The following MYLK variants were observed in gnomAD, a reference collection of about 807,000 sequenced individuals.
MYLK encodes the protein myosin light chain kinase.
A neutral mutation model predicts 203.4 loss-of-function variants in MYLK; 106 were observed. The ratio of observed to expected loss-of-function variants is 0.52; its 90% CI spans 0.45 to 0.61. The LOEUF is 0.61. MYLK is among the 20% of genes least tolerant of loss of function. MYLK has a pLI of 0.00. For synonymous variants in MYLK, 867 were observed against 959.5 expected, an observed-to-expected ratio of 0.90 and a Z score of 1.78; for missense variants, 2,072 against 2,442.3, an observed-to-expected ratio of 0.85 and a Z score of 3.20.
chr3:123,717,756 G>A (rs527678256), intron 13 of MYLK, among the ~76,000 whole-genome samples: 1 of 151,936 alleles, frequency 6.6e-6, no homozygotes, highest in Non-Finnish European at 1.5e-5. Context: ...CAGGAGGAAA[G>A]ACATTCATTG....
chr3:123,754,275 G>C (rs2063296313), intron 4 of MYLK, among the ~76,000 whole-genome samples: 1 of 152,112 alleles, frequency 6.6e-6, no homozygotes, highest in Non-Finnish European at 1.5e-5. Context: ...ATTCCATATA[G>C]TCACCCCTCA....
intron 16 of MYLK, among the ~76,000 whole-genome samples, chr3:123,704,377 A>T (rs113726016): frequency 2.0e-5 from 3 of 152,200 alleles, no homozygotes; most frequent in African/African-American, 4.8e-5. Flanking sequence ...TGACATCTGC[A>T]CATAACCAGT....
At chr3:123,872,418 A>C (rs946853187) in intron 2 of MYLK, among the ~76,000 whole-genome samples, 1 of 152,172 alleles carries the variant, frequency 6.6e-6, no homozygotes, top group African/African-American at 2.4e-5. Context: ...ACCTTGAGTT[A>C]GATCTAACCT....
chr3:123,823,280 C>T (rs2065998413), intron 3 of MYLK, among the ~76,000 whole-genome samples: 2 of 152,214 alleles, frequency 1.3e-5, no homozygotes, highest in African/African-American at 4.8e-5. Context: ...GATCTCCACA[C>T]ACATTTCTTA....
chr3:123,625,614 C>G, intron 31 of MYLK, among the ~76,000 whole-genome samples: 1 of 151,958 alleles, frequency 6.6e-6, no homozygotes, highest in East Asian at 1.9e-4. Context: ...TGAGACCATC[C>G]TGGCTAACAC....
chr3:123,643,931 C>T (rs938001961), intron 27 of MYLK, among the ~76,000 whole-genome samples: 4 of 152,260 alleles, frequency 2.6e-5, no homozygotes, highest in African/African-American at 9.6e-5. Flanking sequence ...CTTCAATGCT[C>T]AGGGTCCCAC....
chr3:123,828,478 G>T (rs778898063), intron 3 of MYLK, among the ~76,000 whole-genome samples: 1 of 152,128 alleles, frequency 6.6e-6, no homozygotes, highest in Non-Finnish European at 1.5e-5. Context: ...AGACCTAAAT[G>T]TAAGACCTGA....
intron 2 of MYLK, among the ~76,000 whole-genome samples, chr3:123,863,886 A>G (rs932393958): frequency 6.6e-6 from 1 of 152,218 alleles, no homozygotes; most frequent in Non-Finnish European, 1.5e-5. Context: ...TGTCTACCCA[A>G]AAAGACCTAT....
intron 3 of MYLK, among the ~76,000 whole-genome samples, chr3:123,825,475 CA>C (rs2066084769): frequency 6.6e-6 from 1 of 152,198 alleles, no homozygotes; most frequent in Non-Finnish European, 1.5e-5. Context: ...ACAGTCCTTA[CA>C]ACAGGAGAAT....
At position 123,692,036 on chromosome 3, in the gene MYLK, T is replaced by C. The variant is rs1043275882; in HGVS notation, c.3565+699A>G. 2.0e-5 allele frequency among the ~76,000 whole-genome samples: 3 copies of C among 152,178 alleles called. No individual in the cohort carries two copies. The South Asian group carries it at 6.2e-4, about 31-fold the overall frequency. On this transcript the variant is annotated intron_variant, in intron 19 of 33. Coordinates refer to ENST00000360304, the MANE Select transcript of MYLK (RefSeq NM_053025.4). ...TCCTACTTCTCAGGTTCCAATTCTA[T>C]ACTCCCCAGGAAGGAGAGAAAAAAG... is the stretch of plus-strand genomic sequence containing the variant.
At chr3:123,865,805 A>T (rs1056618719) in intron 2 of MYLK, among the ~76,000 whole-genome samples, 19 of 152,172 alleles carry the variant, frequency 1.2e-4, no homozygotes, top group African/African-American at 4.6e-4. Flanking sequence ...GGCTGCTTTG[A>T]TCAACAGAGT....
chr3:123,818,631 A>C (rs1167406196), intron 3 of MYLK, among the ~76,000 whole-genome samples: 1 of 152,178 alleles, frequency 6.6e-6, no homozygotes, highest in African/African-American at 2.4e-5. Context: ...CAGAGGTTGT[A>C]GTGAGCAGAG....
At position 123,733,726 on chromosome 3, in the gene MYLK, C is replaced by G; in HGVS notation, c.1270G>C (p.Glu424Gln). The change falls in exon 10 of 34, where the codon GAG becomes CAG. Residue 424 changes from glutamate (E) to glutamine (Q), a missense_variant. By Grantham distance (29) the Glu-to-Gln change is conservative. Around this residue, in one of 3 missense-constraint regions of MYLK, gnomAD observed 683 missense variants for 643.8 expected, o/e 1.06. Coordinates refer to ENST00000360304, the MANE Select transcript of MYLK (RefSeq NM_053025.4). The part of the protein sequence containing the change: ...PKFESKPQSQ[E>Q]VKENQTVKFR... ...TTGACAGTTTGATTTTCCTTGACCT[C>G]CTGGCTTTGGGGCTTGCTCTCAAAT... 6.2e-7 allele frequency: 1 copy of G among 1,614,220 alleles called. No individual in the cohort carries two copies. The highest frequency in any genetic ancestry group is 1.1e-5 in the South Asian group (1 of 91,086).
At chr3:123,634,043 G>T (rs2058544358) in intron 29 of MYLK, among the ~76,000 whole-genome samples, 1 of 152,128 alleles carries the variant, frequency 6.6e-6, no homozygotes, top group Non-Finnish European at 1.5e-5. Context: ...CAGCTAAGGG[G>T]ACCACACATC....
At chr3:123,650,434 T>A (rs150965674) in intron 24 of MYLK, among the ~76,000 whole-genome samples, 5 of 151,974 alleles carry the variant, frequency 3.3e-5, no homozygotes, top group Non-Finnish European at 5.9e-5. Context: ...TGTGTGTGTG[T>A]GAGAGAGAGT....
chr3:123,847,541 T>C (rs904307883), intron 2 of MYLK, among the ~76,000 whole-genome samples: 2 of 152,148 alleles, frequency 1.3e-5, no homozygotes, highest in African/African-American at 4.8e-5. Flanking sequence ...TTTTTTGCTG[T>C]ACTATTTTGA....
chr3:123,805,792 C>G (rs1174410142), intron 3 of MYLK, among the ~76,000 whole-genome samples: 2 of 152,232 alleles, frequency 1.3e-5, no homozygotes, highest in Non-Finnish European at 2.9e-5. Context: ...CTTCTCTAAA[C>G]CTCAATTTCC....
intron 2 of MYLK, among the ~76,000 whole-genome samples, chr3:123,867,458 T>C (rs1300782360): frequency 1.1e-4 from 16 of 146,048 alleles, no homozygotes. Flanking sequence ...GAAATTTGGA[T>C]GCATTGGACG....
intron 24 of MYLK, among the ~76,000 whole-genome samples, chr3:123,653,380 C>T (rs549059259): frequency 6.6e-6 from 1 of 152,284 alleles, no homozygotes; most frequent in South Asian, 2.1e-4. Context: ...GGAATCCCCT[C>T]AACCAGAGTC....
Sources: allele counts gnomAD v4.1 joint callset (sites outside exome capture counted in the v4.1 genomes callset), GRCh38; gene constraint gnomAD v4.1.1; regional missense constraint gnomAD v4.1.1; transcripts MANE v1.5; gene names NCBI Gene and HGNC (gene_info 2026-07-23, HGNC 2026-07-21).